Variants in MACROD2 observed in about 807,000 individuals in gnomAD.
MACROD2 encodes ADP-ribose glycohydrolase MACROD2.
Under a neutral mutation model 70.4 loss-of-function variants are expected in MACROD2, and 36 were observed. That is an observed-to-expected ratio of 0.51 (90% CI 0.39 to 0.68). MACROD2 has a LOEUF of 0.68. MACROD2 is among the 30% of genes least tolerant of loss of function. The pLI is 0.00. For missense variants in MACROD2, 496 were observed against 538.4 expected, an observed-to-expected ratio of 0.92 and a Z score of 0.78; for synonymous variants, 172 against 178.8, an observed-to-expected ratio of 0.96 and a Z score of 0.30.
At chr20:15,709,160 G>C (rs1301141310) in intron 8 of MACROD2, among the ~76,000 whole-genome samples, 1 of 152,194 alleles carries the variant, frequency 6.6e-6, no homozygotes, top group Non-Finnish European at 1.5e-5. Flanking sequence ...ACCTAGGGAG[G>C]CTGGCTTTCC....
At chr20:16,033,862 T>C (rs200486471) in intron 15 of MACROD2, among the ~76,000 whole-genome samples, 1 of 145,264 alleles carries the variant, frequency 6.9e-6, no homozygotes, top group Admixed American at 6.9e-5. Context: ...GGGGGTGGGG[T>C]GGGGGAGAAA....
chr20:15,569,714 G>T (rs1220556971), intron 8 of MACROD2, among the ~76,000 whole-genome samples: 1 of 152,242 alleles, frequency 6.6e-6, no homozygotes, highest in Middle Eastern at 3.4e-3. Context: ...TTTTGAAGTG[G>T]TAGCTTCACA....
intron 3 of MACROD2, among the ~76,000 whole-genome samples, chr20:14,194,499 G>A (rs542771271): frequency 6.6e-6 from 1 of 152,320 alleles, no homozygotes; most frequent in South Asian, 2.1e-4. Flanking sequence ...AAATTCATAA[G>A]TGACACTGTG....
At position 14,414,931 on chromosome 20, in the gene MACROD2, T is replaced by TTG. The variant is rs1224830296; in HGVS notation, c.272-78547_272-78546insGT. 1.1e-4 allele frequency among the ~76,000 whole-genome samples: 8 copies of TTG among 75,040 alleles called. No individual in the cohort carries two copies. The East Asian group carries it at 2.3e-3, about 21-fold the overall frequency. The allele number at this position is 75,040 out of a possible 152,430, so 49.2% of individuals were successfully genotyped here. ...CATCACTTTCTCACCTGCTTTATGT[T>TTG]TTTTTTTTTTTCCCATGGTGTGCCT... On this transcript the variant is annotated intron_variant, in intron 3 of 17. Transcript: ENST00000684519.
intron 8 of MACROD2, among the ~76,000 whole-genome samples, chr20:15,695,660 C>A (rs1471211431): frequency 1.3e-5 from 2 of 152,122 alleles, no homozygotes; most frequent in Non-Finnish European, 2.9e-5. Flanking sequence ...CCACCCGCCT[C>A]GGCCTCTCAA....
At chr20:14,300,802 G>A (rs2082468266) in intron 3 of MACROD2, among the ~76,000 whole-genome samples, 2 of 152,164 alleles carry the variant, frequency 1.3e-5, no homozygotes, top group Non-Finnish European at 2.9e-5. Context: ...AAAGACCTTG[G>A]ATGTAATGCA....
chr20:15,357,018 T>C (rs1294782654), intron 6 of MACROD2, among the ~76,000 whole-genome samples: 1 of 152,180 alleles, frequency 6.6e-6, no homozygotes, highest in East Asian at 1.9e-4. Flanking sequence ...TATGAACCTT[T>C]ATATGAATAG....
chr20:15,070,633 T>C (rs2075611700), intron 5 of MACROD2, among the ~76,000 whole-genome samples: 1 of 152,138 alleles, frequency 6.6e-6, no homozygotes, highest in African/African-American at 2.4e-5. Context: ...TCCTCCGCTC[T>C]CTTTTGCTCC....
At chr20:14,946,027 G>A (rs2074429054) in intron 5 of MACROD2, among the ~76,000 whole-genome samples, 1 of 152,110 alleles carries the variant, frequency 6.6e-6, no homozygotes, top group Non-Finnish European at 1.5e-5. Context: ...GGCCAACATG[G>A]TGAAACCCTG....
At chr20:15,377,931 GA>G (rs1211769287) in intron 6 of MACROD2, among the ~76,000 whole-genome samples, 1 of 151,976 alleles carries the variant, frequency 6.6e-6, no homozygotes, top group Non-Finnish European at 1.5e-5. Flanking sequence ...TTATAAGTGG[GA>G]GTTGAACAAT....
intron 8 of MACROD2, among the ~76,000 whole-genome samples, chr20:15,840,241 A>G (rs2064156305): frequency 1.3e-5 from 2 of 152,306 alleles, no homozygotes; most frequent in South Asian, 4.1e-4. Flanking sequence ...GAGGACAATA[A>G]GAACTACTTT....
chr20:15,946,181 C>G (rs2065820434), intron 12 of MACROD2, among the ~76,000 whole-genome samples: 1 of 152,136 alleles, frequency 6.6e-6, no homozygotes, highest in Admixed American at 6.5e-5. Flanking sequence ...CGCTATAGCC[C>G]AACTCAGTTA....
chr20:14,610,547 AAT>A (rs1284757215), intron 4 of MACROD2, among the ~76,000 whole-genome samples: 1 of 152,104 alleles, frequency 6.6e-6, no homozygotes. Flanking sequence ...TTATTCTTTG[AAT>A]GGTGAAAATA....
At chr20:15,958,424 A>T (rs571235517) in intron 12 of MACROD2, among the ~76,000 whole-genome samples, 1 of 152,214 alleles carries the variant, frequency 6.6e-6, no homozygotes, top group African/African-American at 2.4e-5. Context: ...CCTCATGACT[A>T]CTTTATCCGT....
chr20:14,717,534 GTT>G (rs11482339), intron 5 of MACROD2, among the ~76,000 whole-genome samples: 3 of 143,200 alleles, frequency 2.1e-5, no homozygotes. Flanking sequence ...CTTTTATGTA[GTT>G]TTTTTTTTTT....
At chr20:15,136,346 A>G (rs1042521954) in intron 5 of MACROD2, among the ~76,000 whole-genome samples, 1 of 151,780 alleles carries the variant, frequency 6.6e-6, no homozygotes, top group Non-Finnish European at 1.5e-5. Context: ...ACAGCATGGT[A>G]CTGGTACCAA....
At chr20:15,479,088 T>G (rs2047059959) in intron 7 of MACROD2, among the ~76,000 whole-genome samples, 1 of 152,168 alleles carries the variant, frequency 6.6e-6, no homozygotes, top group Non-Finnish European at 1.5e-5. Flanking sequence ...TCCCTGGTCC[T>G]GAAAGGAAAA....
chr20:15,074,464 C>A (rs144019001), intron 5 of MACROD2, among the ~76,000 whole-genome samples: 325 of 152,294 alleles, frequency 2.1e-3, no homozygotes, highest in African/African-American at 5.0e-3. Flanking sequence ...TTATCCGTAT[C>A]TTTTGTAATG....
chr20:15,234,122 C>T (rs1168191452), intron 6 of MACROD2, among the ~76,000 whole-genome samples: 7 of 132,818 alleles, frequency 5.3e-5, no homozygotes, highest in South Asian at 2.6e-4. Context: ...AGCTCCGCCT[C>T]CCAGGTTCAC....
Sources: gnomAD v4.1 joint callset for allele counts (sites outside exome capture counted in the v4.1 genomes callset) on GRCh38, gnomAD v4.1.1 for gene constraint, MANE v1.5 for transcripts, NCBI Gene and HGNC (gene_info 2026-07-23, HGNC 2026-07-21) for gene names.